RFX2: variants seen among roughly 807,000 people sequenced by gnomAD.
The protein encoded by RFX2 is regulatory factor X2, also known as DNA-binding protein RFX2.
Under a neutral mutation model 87.8 loss-of-function variants are expected in RFX2, and 20 were observed. That is an observed-to-expected ratio of 0.23 (90% CI 0.16 to 0.33). The LOEUF is 0.33. Among genes scored for constraint, RFX2 ranks in the 10% least tolerant of loss-of-function variants. RFX2 has a pLI of 1.00. For missense variants in RFX2, 767 were observed against 1,012.3 expected (o/e 0.76, Z 3.29); for synonymous variants, 397 against 431.3 (o/e 0.92, Z 0.98).
chr19:6,102,010 T>C (rs1387403576), intron 1 of RFX2, among the ~76,000 whole-genome samples: 1 of 152,228 alleles, frequency 6.6e-6, no homozygotes, highest in Non-Finnish European at 1.5e-5. Context: ...CTTGAAGACA[T>C]TGTGCTAAGT....
In RFX2 at chr19:6,063,057, C is replaced by T. The variant is rs903424094; in HGVS notation, c.-8-15553G>A. The stretch of plus-strand genomic sequence containing the variant: ...TCCCCTCCCGTGAGCTGCTGTGTCT[C>T]GTATCCCTCCTGTCCTGCCGCTCTC... On this transcript the variant is annotated intron_variant, in intron 1 of 17. Transcript: ENST00000303657. The surrounding 1 kb of genome is among the most constrained non-coding windows in gnomAD (Gnocchi z 4.0). Among the ~76,000 whole-genome samples, 15 of 152,310 alleles carry T rather than the reference C, an allele frequency of 9.8e-5. No individual in the cohort carries two copies. Among genetic ancestry groups the T allele is most frequent in the East Asian group, 1.9e-4 (1 of 5,190 alleles).
At position 6,007,127 on chromosome 19, in the gene RFX2, C is replaced by T; in HGVS notation, c.1287G>A (p.Lys429=). The change falls in exon 12 of 18, where the codon AAG becomes AAA. Residue 429 remains lysine, a synonymous_variant. Coordinates refer to ENST00000303657, the MANE Select transcript of RFX2 (RefSeq NM_000635.4). The surrounding 1 kb of genome is among the most constrained non-coding windows in gnomAD (Gnocchi z 8.2). ...DPEGAVLPKD[K]LISLCQCDPI... ...GGTCGCACTGACACAGGGAGATAAG[C>T]TTGTCCTTGGGCAGGACGGCGCCCT... 6.2e-7 allele frequency: 1 copy of T among 1,614,156 alleles called. No individual in the cohort carries two copies. Among genetic ancestry groups the T allele is most frequent in the Non-Finnish European group, 8.5e-7 (1 of 1,180,034 alleles).
At chr19:6,031,303 C>T (rs2086949937) in intron 5 of RFX2, among the ~76,000 whole-genome samples, 1 of 151,732 alleles carries the variant, frequency 6.6e-6, no homozygotes, top group African/African-American at 2.4e-5. Context: ...CATCTCATCA[C>T]ACACAATAGT....
Position 6,082,767 on chromosome 19 carries a change from G to T in RFX2, c.-9+27626C>A, listed in dbSNP as rs7251098. On this transcript the variant is annotated intron_variant, in intron 1 of 17. Transcript: ENST00000303657. ...CCAGAAAATACACATTTTTGGCTTTGCAGGTCTCTGTTGAGACTACTCAAC... is the reference window on the plus strand; with the variant it reads ...CCAGAAAATACACATTTTTGGCTTTTCAGGTCTCTGTTGAGACTACTCAAC... 6.9e-3 allele frequency among the ~76,000 whole-genome samples: 1,055 copies of T among 152,218 alleles called. 16 individuals are homozygous for T. Among genetic ancestry groups the T allele is most frequent in the African/African-American group, 0.024 (1,004 of 41,542 alleles).
chr19:6,039,983 G>T lies in RFX2; in HGVS notation c.519C>A (p.Ala173=). 1.3e-6 allele frequency: 2 copies of T among 1,573,488 alleles called. No homozygotes were observed. The highest frequency in any genetic ancestry group is 1.7e-6 in the Non-Finnish European group (2 of 1,155,544). Residue 173 remains alanine (A), a synonymous_variant, in exon 5 of 18, where the codon GCC becomes GCA. Coordinates refer to ENST00000303657, the MANE Select transcript of RFX2 (RefSeq NM_000635.4). This position sits in a 1 kb window ranked among gnomAD's most constrained non-coding sequence, Gnocchi z 5.2. ...GTCCCAAGAGCCTCCTACATACCGTGGCGGGCGATGAGCGGGAGGTGTGGG... is the reference window on the plus strand; with the variant it reads ...GTCCCAAGAGCCTCCTACATACCGTTGCGGGCGATGAGCGGGAGGTGTGGG... ...SLAHTSRSSP[A]TLEMAIENLQ...
At position 6,045,693 on chromosome 19, in the gene RFX2, C is replaced by A. The variant is rs376380143; in HGVS notation, c.91-1411G>T. On this transcript the variant is annotated intron_variant, in intron 2 of 17. Transcript: ENST00000303657. The surrounding 1 kb of genome is among the most constrained non-coding windows in gnomAD (Gnocchi z 5.2). ...TTTTGTTTTTTTGTGTTTTTTGGGA[C>A]GGATTTTTGCTCTTGTCGCCCAGGC... is the stretch of plus-strand genomic sequence containing the variant. 6.6e-6 allele frequency among the ~76,000 whole-genome samples: 1 copy of A among 151,440 alleles called. No individual in the cohort carries two copies. The highest frequency in any genetic ancestry group is 1.9e-4 in the East Asian group (1 of 5,188).
chr19:6,085,786 TG>T (rs1352766345), intron 1 of RFX2, among the ~76,000 whole-genome samples: 1 of 152,092 alleles, frequency 6.6e-6, no homozygotes, highest in East Asian at 1.9e-4. Context: ...TTAATTTTTG[TG>T]TATGTTATAA....
At chr19:6,085,746 C>G (rs1441533816) in intron 1 of RFX2, among the ~76,000 whole-genome samples, 1 of 152,052 alleles carries the variant, frequency 6.6e-6, no homozygotes, top group Non-Finnish European at 1.5e-5. Context: ...AGTTTTAGCT[C>G]TTATGTTTAG....
At chr19:6,014,210 CCTTTCTTTTTCTTT>C (rs2086695262) in intron 7 of RFX2, among the ~76,000 whole-genome samples, 1 of 151,874 alleles carries the variant, frequency 6.6e-6, no homozygotes, top group Non-Finnish European at 1.5e-5. Flanking sequence ...GCACCTGGGT[CCTTTCTTTTTCTTT>C]CTTTCTTTTT....
At chr19:6,104,718 TC>T (rs1159471957) in intron 1 of RFX2, among the ~76,000 whole-genome samples, 2 of 152,146 alleles carry the variant, frequency 1.3e-5, no homozygotes, top group Non-Finnish European at 2.9e-5. Flanking sequence ...AGCTCTCAAC[TC>T]TTCATTTCTA....
chr19:6,095,919 C>T (rs570156116), intron 1 of RFX2, among the ~76,000 whole-genome samples: 2 of 152,182 alleles, frequency 1.3e-5, no homozygotes, highest in African/African-American at 4.8e-5. Context: ...TTTCAGCATC[C>T]ATAAATAAAG....
At position 6,040,088 on chromosome 19, in the gene RFX2, A is replaced by G; in HGVS notation, c.414T>C (p.Asp138=). ...PSHSMVGITM[D]VGGSPIVSSA... ...TGGAGACGATGGGGCTCCCCCCGAC[A>G]TCCATGGTGATGCCCACCATGCTGT... The change falls in exon 5 of 18, where the codon GAT becomes GAC. Residue 138 remains aspartate (D), a synonymous_variant. Transcript: ENST00000303657. The surrounding 1 kb of genome is among the most constrained non-coding windows in gnomAD (Gnocchi z 6.1). The G allele has an allele frequency of 6.2e-7, 1 of 1,612,236 alleles. No homozygotes were observed. Among genetic ancestry groups the G allele is most frequent in the South Asian group, 1.1e-5 (1 of 91,072 alleles).
chr19:6,110,004 G>A lies in RFX2; in HGVS notation c.-9+389C>T, dbSNP rs1015558791. Among the ~76,000 whole-genome samples the A allele has an allele frequency of 6.6e-6, 1 of 151,300 alleles. No individual in the cohort carries two copies. Among genetic ancestry groups the A allele is most frequent in the Non-Finnish European group, 1.5e-5 (1 of 67,796 alleles). ...TCAGAGATCTAGGGGGTTAAGGTGA[G>A]AAGAGGGTCCCCAAGCGCCCCCAAT... On this transcript the variant is annotated intron_variant, in intron 1 of 17. Transcript: ENST00000303657. The surrounding 1 kb of genome is among the most constrained non-coding windows in gnomAD (Gnocchi z 4.3).
At chr19:6,055,143 A>G (rs911456765) in intron 1 of RFX2, among the ~76,000 whole-genome samples, 2 of 152,222 alleles carry the variant, frequency 1.3e-5, no homozygotes, top group Non-Finnish European at 2.9e-5. Context: ...AATTCAAACT[A>G]TATCAAGATA....
At chr19:6,038,495 A>G (rs1392159856) in intron 5 of RFX2, among the ~76,000 whole-genome samples, 1 of 152,262 alleles carries the variant, frequency 6.6e-6, no homozygotes, top group Non-Finnish European at 1.5e-5. Context: ...ATTTCATCAA[A>G]ATTAAAATTT....
rs570372617 is a variant in RFX2 at position 6,003,880 on chromosome 19, C to T, written c.1500+321G>A. Among the ~76,000 whole-genome samples the T allele has an allele frequency of 2.6e-4, 39 of 149,774 alleles. No homozygotes were observed. The Middle Eastern group carries it at 0.011, about 41-fold the overall frequency. ...CGGCCAAGGTTCTACATTTCAAATT[C>T]GACTGATTTGTGGCCAAGATTGCAG... On this transcript the variant is annotated intron_variant, in intron 13 of 17. Coordinates refer to ENST00000303657, the MANE Select transcript of RFX2 (RefSeq NM_000635.4).
chr19:6,055,376 C>CA (rs1223707952), intron 1 of RFX2, among the ~76,000 whole-genome samples: 1 of 152,092 alleles, frequency 6.6e-6, no homozygotes, highest in African/African-American at 2.4e-5. Context: ...CATATCTCTT[C>CA]AAAAAAATAA....
chr19:6,108,848 G>C (rs894535216), intron 1 of RFX2, among the ~76,000 whole-genome samples: 6 of 152,184 alleles, frequency 3.9e-5, no homozygotes, highest in African/African-American at 1.4e-4. Context: ...GGCGCTTGGG[G>C]CCCTCGGGGG....
In RFX2 at chr19:6,024,754, G is replaced by A. The variant is rs1244081992; in HGVS notation, c.597+1409C>T. Among the ~76,000 whole-genome samples the A allele has an allele frequency of 2.0e-5, 3 of 147,848 alleles. No individual in the cohort carries two copies. Among genetic ancestry groups the A allele is most frequent in the Admixed American group, 6.7e-5 (1 of 14,890 alleles). The stretch of plus-strand genomic sequence containing the variant: ...GTGAGGACGGGATCACGGTGAGGAC[G>A]GGAGTGAGGACGGGATCACGGTGAG... On this transcript the variant is annotated intron_variant, in intron 6 of 17. Transcript: ENST00000303657. This position sits in a 1 kb window ranked among gnomAD's most constrained non-coding sequence, Gnocchi z 5.0.
Sources: gnomAD v4.1 joint callset for allele counts (sites outside exome capture counted in the v4.1 genomes callset) on GRCh38, gnomAD v4.1.1 for gene constraint, Gnocchi (gnomAD v3.1) non-coding constraint, MANE v1.5 for transcripts, NCBI Gene and HGNC (gene_info 2026-07-23, HGNC 2026-07-21) for gene names.